Variants in PPA2 observed in about 807,000 individuals in gnomAD.
PPA2 encodes the protein inorganic pyrophosphatase 2, also known as inorganic pyrophosphatase 2, mitochondrial.
PPA2 carries 48 observed loss-of-function variants against 49.5 expected under a neutral mutation model. That is an observed-to-expected ratio of 0.97 (90% CI 0.77 to 1.23). The LOEUF (loss-of-function observed/expected upper bound fraction) is 1.23, where lower values mean the gene tolerates loss of function less well. Ranked by LOEUF, PPA2 falls within the 50% of genes most tolerant of loss-of-function variation. The pLI, the probability that PPA2 is intolerant of heterozygous loss-of-function variation, is 0.00. For synonymous variants in PPA2, 131 were observed against 139.9 expected, an observed-to-expected ratio of 0.94 and a Z score of 0.45; for missense variants, 429 against 410.1, an observed-to-expected ratio of 1.05 and a Z score of -0.40.
At chr4:105,413,374 C>A (rs182231244) in intron 7 of PPA2, among the ~76,000 whole-genome samples, 2 of 152,038 alleles carry the variant, frequency 1.3e-5, no homozygotes, top group East Asian at 1.9e-4. Flanking sequence ...ATGTAAATGA[C>A]GAGTTGATGG....
chr4:105,410,263 G>A (rs975997537), intron 7 of PPA2, among the ~76,000 whole-genome samples: 5 of 152,290 alleles, frequency 3.3e-5, no homozygotes, highest in South Asian at 2.1e-4. Context: ...ACTTCATGAC[G>A]CATGCAAAAG....
At chr4:105,456,154 C>G in intron 2 of PPA2, 1 of 418,538 alleles carries the variant, frequency 2.4e-6, no homozygotes, top group South Asian at 1.9e-5. Flanking sequence ...ATTTTTACCC[C>G]TGCTTTATTT....
intron 6 of PPA2, among the ~76,000 whole-genome samples, chr4:105,432,927 T>C (rs909511208): frequency 2.6e-5 from 4 of 152,218 alleles, no homozygotes; most frequent in Non-Finnish European, 5.9e-5. Context: ...GGGAAATTAC[T>C]TAACTTCCTT....
chr4:105,468,916 C>G (rs1442569280), intron 1 of PPA2, among the ~76,000 whole-genome samples: 3 of 152,218 alleles, frequency 2.0e-5, no homozygotes, highest in African/African-American at 7.2e-5. Context: ...AACACACCCA[C>G]AACCTCTCTG....
At chr4:105,406,858 C>T (rs923007032) in intron 7 of PPA2, 2 of 152,038 alleles carry the variant, frequency 1.3e-5, no homozygotes, top group African/African-American at 4.8e-5. Context: ...TGGCTGTTCA[C>T]CATTCATTAG....
In PPA2 at chr4:105,399,148, C is replaced by T. The variant is rs1193383860; in HGVS notation, c.672G>A (p.Lys224=). The T allele has an allele frequency of 1.9e-6, 3 of 1,599,478 alleles. No homozygotes were observed. The highest frequency in any genetic ancestry group is 1.4e-5 in the African/African-American group (1 of 73,980). The change falls in exon 8 of 12, where the codon AAG becomes AAA. Residue 224 remains lysine (K), a synonymous_variant. Transcript: ENST00000341695. ...ASKFHDIDDV[K]KFKPGYLEAT... is the part of the protein sequence containing the mutation. ...CTTCCAGGTAACCCGGTTTGAACTT[C>T]TTAACATCATCAATATCTGTAAAGA...
chr4:105,372,930 C>T (rs1733085697), intron 10 of PPA2, among the ~76,000 whole-genome samples: 1 of 152,164 alleles, frequency 6.6e-6, no homozygotes, highest in South Asian at 2.1e-4. Context: ...GCTGAACAAA[C>T]AGACTTTGTT....
At chr4:105,443,339 A>G (rs548908574) in intron 5 of PPA2, among the ~76,000 whole-genome samples, 1 of 151,926 alleles carries the variant, frequency 6.6e-6, no homozygotes, top group South Asian at 2.1e-4. Flanking sequence ...GAAGTGAAGA[A>G]GCAGAAGGCA....
chr4:105,392,324 A>G (rs942241508), intron 9 of PPA2, among the ~76,000 whole-genome samples: 1 of 152,162 alleles, frequency 6.6e-6, no homozygotes, highest in Non-Finnish European at 1.5e-5. Context: ...AATGAAAAGA[A>G]CTTAATAAAA....
At position 105,450,601 on chromosome 4, in the gene PPA2, C is replaced by CTTTTTTTTTTTTTTTTTTTTT. The variant is rs575896250; in HGVS notation, c.268-1219_268-1199dup. On this transcript the variant is annotated intron_variant, in intron 3 of 11. Coordinates refer to ENST00000341695, the MANE Select transcript of PPA2 (RefSeq NM_176869.3). ...ATGCTGGCCAGGCTGGTCTGGAATT[C>CTTTTTTTTTTTTTTTTTTTTT]TTTTTTTTTTTTTTTTTTTTTTTTG... is the stretch of plus-strand genomic sequence containing the variant. Among the ~76,000 whole-genome samples, 25 of 82,668 alleles carry CTTTTTTTTTTTTTTTTTTTTT rather than the reference C, an allele frequency of 3.0e-4. 3 individuals are homozygous for CTTTTTTTTTTTTTTTTTTTTT. The highest frequency in any genetic ancestry group is 6.4e-4 in the Admixed American group (4 of 6,222). The allele number at this position is 82,668 out of a possible 152,430, so 54.2% of individuals were successfully genotyped here.
chr4:105,437,654 C>T (rs1724126775), intron 6 of PPA2, among the ~76,000 whole-genome samples: 1 of 152,178 alleles, frequency 6.6e-6, no homozygotes, highest in Non-Finnish European at 1.5e-5. Context: ...ATCTCTGCTA[C>T]AAGTCCTCAA....
chr4:105,409,090 G>T (rs957661580), intron 7 of PPA2, among the ~76,000 whole-genome samples: 2 of 152,226 alleles, frequency 1.3e-5, no homozygotes, highest in Non-Finnish European at 2.9e-5. Flanking sequence ...GCAGAAGCAG[G>T]GCAGGGCATT....
intron 10 of PPA2, among the ~76,000 whole-genome samples, chr4:105,383,699 A>G (rs2713829): frequency 0.59 from 89,028 of 151,944 alleles, 26,269 homozygotes; most frequent in East Asian, 0.69. Flanking sequence ...CCATACTTTG[A>G]ACTCATTTAA....
chr4:105,392,422 C>T (rs1733961822), intron 9 of PPA2, among the ~76,000 whole-genome samples: 1 of 151,898 alleles, frequency 6.6e-6, no homozygotes, highest in Admixed American at 6.6e-5. Context: ...CCTGTAATCC[C>T]CGCACTTTGG....
In PPA2 at chr4:105,436,381, C is replaced by T. The variant is rs146610811; in HGVS notation, c.528+1569G>A. The stretch of plus-strand genomic sequence containing the variant: ...TGGAAGAATCAATATTGTTAAAATG[C>T]CAATATTGCTCAAAGCAATCTGGAG... On this transcript the variant is annotated intron_variant, in intron 6 of 11. Transcript: ENST00000341695. Among the ~76,000 whole-genome samples the T allele has an allele frequency of 4.9e-3, 752 of 152,032 alleles. 10 individuals carry two copies. The highest frequency in any genetic ancestry group is 0.017 in the African/African-American group (709 of 41,466).
At chr4:105,378,921 G>T (rs1327640728) in intron 10 of PPA2, among the ~76,000 whole-genome samples, 1 of 151,988 alleles carries the variant, frequency 6.6e-6, no homozygotes, top group Non-Finnish European at 1.5e-5. Context: ...TTTTTAAAAA[G>T]CCTTGAAATC....
intron 10 of PPA2, among the ~76,000 whole-genome samples, chr4:105,382,032 A>C (rs748590741): frequency 6.6e-5 from 10 of 152,044 alleles, no homozygotes; most frequent in Non-Finnish European, 1.5e-4. Flanking sequence ...TATTGTATAC[A>C]TTTAATTTCT....
chr4:105,460,858 C>CATATATATATATATATATAT lies in PPA2; in HGVS notation c.158-4114_158-4113insATATATATATATATATATAT, dbSNP rs746079683. Among the ~76,000 whole-genome samples the CATATATATATATATATATAT allele has an allele frequency of 1.4e-3, 196 of 145,020 alleles. 6 individuals carry two copies. Among genetic ancestry groups the CATATATATATATATATATAT allele is most frequent in the African/African-American group, 3.8e-3 (138 of 36,412 alleles). On this transcript the variant is annotated intron_variant, in intron 1 of 11. Coordinates refer to ENST00000341695, the MANE Select transcript of PPA2 (RefSeq NM_176869.3). ...CAATACTTATTAAGATGTAAGATCA[C>CATATATATATATATATATAT]ATATATATATAGTTTTCTAATTGTC...
At chr4:105,403,614 A>T (rs771147728) in intron 7 of PPA2, among the ~76,000 whole-genome samples, 6 of 152,166 alleles carry the variant, frequency 3.9e-5, no homozygotes, top group African/African-American at 1.2e-4. Context: ...GACAAATCTT[A>T]AGGTTCCATT....
Sources: gnomAD v4.1 joint callset for allele counts (sites outside exome capture counted in the v4.1 genomes callset) on GRCh38, gnomAD v4.1.1 for gene constraint, MANE v1.5 for transcripts, NCBI Gene and HGNC (gene_info 2026-07-23, HGNC 2026-07-21) for gene names.